ANO4: variants seen among roughly 807,000 people sequenced by gnomAD.
ANO4 encodes the protein anoctamin-4.
ANO4 carries 69 observed loss-of-function variants against 141.9 expected under a neutral mutation model. The observed-to-expected ratio is 0.49, with a 90% confidence interval of 0.40 to 0.59. ANO4 has a LOEUF of 0.59. ANO4 is among the 20% of genes least tolerant of loss of function. The pLI is 0.00. For synonymous variants in ANO4, 350 were observed against 394.3 expected (o/e 0.89, Z 1.33); for missense variants, 894 against 1,162.2 (o/e 0.77, Z 3.36).
chr12:100,786,589 C>T (rs1365485468), intron 3 of ANO4, among the ~76,000 whole-genome samples: 2 of 152,278 alleles, frequency 1.3e-5, no homozygotes, highest in East Asian at 3.9e-4. Context: ...GGTGAAATCT[C>T]TCCATCAAGC....
At chr12:101,019,865 A>G (rs916142618) in intron 8 of ANO4, among the ~76,000 whole-genome samples, 169 bp from the exon 9 acceptor site, 1 of 152,180 alleles carries the variant, frequency 6.6e-6, no homozygotes, top group Non-Finnish European at 1.5e-5. Context: ...ACTCATACCT[A>G]TGAGCCTACT....
intron 8 of ANO4, among the ~76,000 whole-genome samples, chr12:101,005,011 A>G (rs2045812701): frequency 6.6e-6 from 1 of 152,232 alleles, no homozygotes; most frequent in Non-Finnish European, 1.5e-5. Flanking sequence ...AATGAACAGC[A>G]GGGACAGAGA....
intron 3 of ANO4, among the ~76,000 whole-genome samples, chr12:100,762,491 A>G (rs1337019684): frequency 1.3e-5 from 2 of 152,154 alleles, no homozygotes; most frequent in African/African-American, 4.8e-5. Flanking sequence ...TTCCCAGTTG[A>G]AAAGCAAGGC....
At chr12:100,817,580 A>C (rs909241789) in intron 1 of ANO4, among the ~76,000 whole-genome samples, 3 of 151,978 alleles carry the variant, frequency 2.0e-5, no homozygotes, top group Non-Finnish European at 4.4e-5. Context: ...GGAAAACTTT[A>C]TAGCCACGAG....
intron 22 of ANO4, among the ~76,000 whole-genome samples, chr12:101,109,133 C>T (rs7302751): frequency 0.5 from 76,081 of 152,020 alleles, 21,628 homozygotes; most frequent in African/African-American, 0.79. Context: ...TGCGTTTGCA[C>T]AATTGGGTTG....
Position 101,083,812 on chromosome 12 carries a change from T to C in ANO4, c.1530T>C (p.Phe510=). 3 of 1,560,462 alleles carry C rather than the reference T, an allele frequency of 1.9e-6. No homozygotes were observed. The highest frequency in any genetic ancestry group is 2.6e-6 in the Non-Finnish European group (3 of 1,164,010). Residue 510 remains phenylalanine (F), a synonymous_variant, in exon 16 of 28, where the codon TTT becomes TTC. Transcript: ENST00000392977. ...TTATCGTTTCTGCATCTGGAATATTTTTTATGGTTTGAAACTTTTAAAAAA... is the reference window on the plus strand; with the variant it reads ...TTATCGTTTCTGCATCTGGAATATTCTTTATGGTTTGAAACTTTTAAAAAA... The part of the protein sequence containing the change: ...SRLIVSASGI[F]FMICVVIAAV...
intron 7 of ANO4, among the ~76,000 whole-genome samples, chr12:100,986,265 G>C (rs1187221494): frequency 6.6e-6 from 1 of 152,160 alleles, no homozygotes; most frequent in African/African-American, 2.4e-5. Context: ...AAACCTGATG[G>C]TGTAAGTCCC....
chr12:100,811,357 T>C (rs1188835962), intron 1 of ANO4, among the ~76,000 whole-genome samples: 1 of 152,208 alleles, frequency 6.6e-6, no homozygotes, highest in Non-Finnish European at 1.5e-5. Flanking sequence ...AGTTCCCTTA[T>C]CTTTGGAAGA....
intron 1 of ANO4, among the ~76,000 whole-genome samples, chr12:100,798,729 G>A (rs1403709392): frequency 2.6e-5 from 4 of 152,176 alleles, no homozygotes; most frequent in Admixed American, 2.0e-4. Context: ...AAGACGAAAG[G>A]GGAACATTCT....
At chr12:101,058,525 T>G (rs1050089046) in intron 14 of ANO4, among the ~76,000 whole-genome samples, 2 of 152,214 alleles carry the variant, frequency 1.3e-5, no homozygotes, top group African/African-American at 4.8e-5. Context: ...GTTTGTGTCC[T>G]CTCTCATTTC....
At chr12:100,998,096 G>C (rs2045470211) in intron 8 of ANO4, among the ~76,000 whole-genome samples, 1 of 152,172 alleles carries the variant, frequency 6.6e-6, no homozygotes, top group Non-Finnish European at 1.5e-5. Context: ...ATTAACATTT[G>C]AGTCAGTGGG....
At position 100,776,272 on chromosome 12, in the gene ANO4, C is replaced by G. The variant is rs201893580; in HGVS notation, c.358+36167C>G. Reference sequence around the variant, plus strand: ...GTCCTATGTCCTGGATGCCCAGGTTCCCCAGCCTGATCTGGGCAGTGACTG... The same window carrying G: ...GTCCTATGTCCTGGATGCCCAGGTTGCCCAGCCTGATCTGGGCAGTGACTG... On this transcript the variant is annotated intron_variant, in intron 3 of 29. Coordinates refer to the ANO4 transcript ENST00000644049. Among the ~76,000 whole-genome samples, 11 of 152,278 alleles carry G rather than the reference C, an allele frequency of 7.2e-5. No individual in the cohort carries two copies. The East Asian group carries it at 2.1e-3, about 29-fold the overall frequency.
At chr12:100,948,842 A>G (rs891698879) in intron 5 of ANO4, among the ~76,000 whole-genome samples, 10 of 152,170 alleles carry the variant, frequency 6.6e-5, no homozygotes, top group Admixed American at 1.3e-4. Context: ...GGCTTTTGCT[A>G]TCATAGAATA....
At chr12:101,124,084 A>G (rs987808714) in intron 26 of ANO4, among the ~76,000 whole-genome samples, 1 of 152,162 alleles carries the variant, frequency 6.6e-6, no homozygotes, top group Non-Finnish European at 1.5e-5. Flanking sequence ...ACTCCCACCA[A>G]CAGTGTAAAA....
At chr12:101,027,869 G>T (rs1252571056) in intron 9 of ANO4, among the ~76,000 whole-genome samples, 3 of 152,012 alleles carry the variant, frequency 2.0e-5, no homozygotes, top group Admixed American at 2.0e-4. Context: ...ACCCAAATAG[G>T]TAAGACCTTC....
At chr12:100,938,745 A>G (rs1311468988) in intron 3 of ANO4, among the ~76,000 whole-genome samples, 1 of 152,158 alleles carries the variant, frequency 6.6e-6, no homozygotes, top group Non-Finnish European at 1.5e-5. Context: ...TCATTATTTC[A>G]ATTCAGGATA....
intron 9 of ANO4, among the ~76,000 whole-genome samples, chr12:101,029,640 GGTGGCTC>G: frequency 6.7e-6 from 1 of 148,382 alleles, no homozygotes; most frequent in Middle Eastern, 3.4e-3. Context: ...GGCTGGGCAT[GGTGGCTC>G]AAACCTATAA....
chr12:100,934,738 C>T (rs758476690), intron 3 of ANO4, among the ~76,000 whole-genome samples: 11 of 152,150 alleles, frequency 7.2e-5, no homozygotes, highest in Non-Finnish European at 8.8e-5. Context: ...GAATATTCTT[C>T]CATTTGTTTG....
At chr12:100,894,622 C>T (rs1219221664) in intron 1 of ANO4, among the ~76,000 whole-genome samples, 1 of 152,060 alleles carries the variant, frequency 6.6e-6, no homozygotes, top group East Asian at 1.9e-4. Flanking sequence ...TGAGCTTTTT[C>T]CTCCCTTGGA....
Sources: allele counts gnomAD v4.1 joint callset (sites outside exome capture counted in the v4.1 genomes callset), GRCh38; gene constraint gnomAD v4.1.1; transcripts MANE v1.5; gene names NCBI Gene and HGNC (gene_info 2026-07-23, HGNC 2026-07-21).